The following CACNA2D3 variants were observed in gnomAD, a reference collection of about 807,000 sequenced individuals.
CACNA2D3 encodes the protein calcium voltage-gated channel auxiliary subunit alpha2delta 3.
CACNA2D3 carries 60 observed loss-of-function variants against 160.6 expected under a neutral mutation model. That is an observed-to-expected ratio of 0.37 (90% confidence interval 0.30 to 0.46). CACNA2D3 has a LOEUF of 0.46. Among genes scored for constraint, CACNA2D3 ranks in the 20% least tolerant of loss-of-function variants. The probability of loss-of-function intolerance (pLI) is 1.00; values close to 1 mark genes in which losing one functional copy is unlikely to be tolerated. For missense variants in CACNA2D3, 1,205 were observed against 1,365.0 expected, an observed-to-expected ratio of 0.88 and a Z score of 1.85; for synonymous variants, 558 against 492.9, an observed-to-expected ratio of 1.13 and a Z score of -1.75.
intron 27 of CACNA2D3, among the ~76,000 whole-genome samples, chr3:54,929,737 C>A (rs1261101554): frequency 6.6e-6 from 1 of 152,056 alleles, no homozygotes; most frequent in Non-Finnish European, 1.5e-5. Context: ...TCAATGATTT[C>A]TTCCCTCCTT....
intron 2 of CACNA2D3, among the ~76,000 whole-genome samples, chr3:54,207,984 C>T (rs949161459): frequency 6.6e-6 from 1 of 152,186 alleles, no homozygotes; most frequent in Non-Finnish European, 1.5e-5. Flanking sequence ...TTCATGTCCC[C>T]TTTGGAAGTT....
intron 29 of CACNA2D3, among the ~76,000 whole-genome samples, chr3:54,976,033 A>G (rs934712591): frequency 1.3e-5 from 2 of 150,346 alleles, no homozygotes; most frequent in African/African-American, 5.0e-5. Context: ...GAGATTAGAT[A>G]TAAATATAGG....
chr3:54,591,319 T>C (rs1702854368), intron 9 of CACNA2D3, among the ~76,000 whole-genome samples: 1 of 152,160 alleles, frequency 6.6e-6, no homozygotes, highest in African/African-American at 2.4e-5. Context: ...TTCTGCTAAA[T>C]CAGGTGCCCA....
chr3:55,068,481 G>A (rs1411755747), intron 35 of CACNA2D3, among the ~76,000 whole-genome samples: 2 of 152,056 alleles, frequency 1.3e-5, no homozygotes, highest in African/African-American at 2.4e-5. Flanking sequence ...CATGAGTCAT[G>A]GGTCACTTAA....
At chr3:54,768,361 T>G (rs1211626447) in intron 13 of CACNA2D3, among the ~76,000 whole-genome samples, 46 of 152,212 alleles carry the variant, frequency 3.0e-4, no homozygotes. Context: ...CATAACCTGA[T>G]GCTCACGGCA....
rs556062583 is a variant in CACNA2D3, at chr3:54,537,859, T to G, written c.545-24941T>G. ...ACCATGTCTGTGGGAGAGCTACACC[T>G]TGGCCTTTGTTTCTGGCCCCGACTT... On this transcript the variant is annotated intron_variant, in intron 5 of 37. Coordinates refer to ENST00000474759, the MANE Select transcript of CACNA2D3 (RefSeq NM_018398.3). Among the ~76,000 whole-genome samples the G allele has an allele frequency of 2.0e-5, 3 of 152,296 alleles. No individual in the cohort carries two copies. In the South Asian group the frequency reaches 6.2e-4, roughly 32 times the overall value.
At chr3:54,888,136 G>C (rs1185786989) in intron 24 of CACNA2D3, 84 bp downstream of exon 24, 7 of 1,085,248 alleles carry the variant, frequency 6.5e-6, no homozygotes, top group Non-Finnish European at 8.5e-6. Flanking sequence ...GAACTAAACT[G>C]TTTTAGGAAC....
chr3:54,725,430 T>C (rs983288609), intron 11 of CACNA2D3, among the ~76,000 whole-genome samples: 1 of 152,226 alleles, frequency 6.6e-6, no homozygotes, highest in Non-Finnish European at 1.5e-5. Flanking sequence ...AGCATCATCC[T>C]GATACCAAAA....
intron 11 of CACNA2D3, among the ~76,000 whole-genome samples, chr3:54,733,822 C>A (rs138740727): frequency 4.4e-4 from 67 of 152,260 alleles, no homozygotes; most frequent in Admixed American, 1.2e-3. Context: ...TTGCCTCCAG[C>A]GGTCTGAACT....
intron 2 of CACNA2D3, among the ~76,000 whole-genome samples, chr3:54,190,365 T>C (rs1700957625): frequency 6.6e-6 from 1 of 152,208 alleles, no homozygotes; most frequent in Non-Finnish European, 1.5e-5. Context: ...AAATCTGCTT[T>C]CCTCTGTAGA....
intron 3 of CACNA2D3, among the ~76,000 whole-genome samples, chr3:54,366,082 G>A (rs955994380): frequency 8.5e-5 from 13 of 152,194 alleles, no homozygotes; most frequent in Non-Finnish European, 1.5e-4. Context: ...TACAGATGCA[G>A]CATCTCTCTG....
intron 11 of CACNA2D3, among the ~76,000 whole-genome samples, chr3:54,728,337 C>G (rs560697767): frequency 3.0e-4 from 46 of 152,244 alleles, no homozygotes; most frequent in African/African-American, 1.0e-3. Context: ...TTAATCTTCT[C>G]TTCGGTAGTG....
chr3:54,760,593 AG>A (rs772250488), intron 12 of CACNA2D3, among the ~76,000 whole-genome samples: 33 of 152,234 alleles, frequency 2.2e-4, no homozygotes, highest in South Asian at 1.7e-3. Flanking sequence ...AGCCTAGACA[AG>A]GGGGAGAGGG....
chr3:54,136,956 A>G (rs1699825164), intron 2 of CACNA2D3, among the ~76,000 whole-genome samples: 2 of 152,188 alleles, frequency 1.3e-5, no homozygotes, highest in African/African-American at 2.4e-5. Context: ...GGCTTTCCCT[A>G]AAGAGACTCA....
chr3:54,227,190 T>C (rs1306144013), intron 2 of CACNA2D3, among the ~76,000 whole-genome samples: 1 of 150,844 alleles, frequency 6.6e-6, no homozygotes, highest in South Asian at 2.1e-4. Context: ...ACCAAGGTCT[T>C]GGGGTTAACA....
chr3:54,658,844 C>T (rs1172342084), intron 11 of CACNA2D3, among the ~76,000 whole-genome samples: 1 of 151,966 alleles, frequency 6.6e-6, no homozygotes, highest in Non-Finnish European at 1.5e-5. Context: ...GTCAGCAAGG[C>T]CTGGTGTGAT....
intron 4 of CACNA2D3, among the ~76,000 whole-genome samples, chr3:54,456,363 G>A (rs1700396275): frequency 6.6e-6 from 1 of 151,842 alleles, no homozygotes; most frequent in Non-Finnish European, 1.5e-5. Flanking sequence ...TAGCTAGTTT[G>A]TTGTTGGTGT....
In CACNA2D3 at chr3:54,619,576, C is replaced by A. The variant is rs922659039; in HGVS notation, c.964-8211C>A. On this transcript the variant is annotated intron_variant, in intron 9 of 37. Coordinates refer to ENST00000474759, the MANE Select transcript of CACNA2D3 (RefSeq NM_018398.3). ...TTGTTACACACACGTAAAGGACAAA[C>A]GGGGAATAGCTCAGATGCCATTCTA... is the stretch of plus-strand genomic sequence containing the variant. Among the ~76,000 whole-genome samples, 5 of 152,308 alleles carry A rather than the reference C, an allele frequency of 3.3e-5. No homozygotes were observed. In the South Asian group the frequency reaches 8.3e-4, roughly 25 times the overall value.
intron 27 of CACNA2D3, among the ~76,000 whole-genome samples, chr3:54,953,796 C>T (rs1259977995): frequency 2.0e-5 from 3 of 152,072 alleles, no homozygotes; most frequent in Non-Finnish European, 4.4e-5. Flanking sequence ...GAGGGGGGTG[C>T]ACTGCAAGTC....
Sources: allele counts gnomAD v4.1 joint callset (sites outside exome capture counted in the v4.1 genomes callset), GRCh38; gene constraint gnomAD v4.1.1; transcripts MANE v1.5; gene names NCBI Gene and HGNC (gene_info 2026-07-23, HGNC 2026-07-21).